Variants in GOLGA1 observed in about 807,000 individuals in gnomAD.
GOLGA1 encodes golgin A1.
GOLGA1 carries 63 observed loss-of-function variants against 119.7 expected under a neutral mutation model. The observed-to-expected ratio is 0.53, with a 90% CI of 0.43 to 0.65. The LOEUF is 0.65. Among genes scored for constraint, GOLGA1 ranks in the 30% least tolerant of loss-of-function variants. The probability of loss-of-function intolerance (pLI) is 0.00; values close to 1 mark genes in which losing one functional copy is unlikely to be tolerated. For missense variants in GOLGA1, 798 were observed against 912.8 expected (o/e 0.87, Z 1.62); for synonymous variants, 318 against 333.4 (o/e 0.95, Z 0.50).
In GOLGA1 at chr9:124,908,537, A is replaced by G. The variant is rs180780579; in HGVS notation, c.970-65T>C. On this transcript the variant is annotated intron_variant, in intron 11 of 22. Transcript: ENST00000373555. ...TCAGTTGAATAAATATTTACAGATT[A>G]TCTACAACATATTGTGACTTGTGCT... The G allele has an allele frequency of 7.8e-4, 679 of 868,132 alleles. 2 individuals are homozygous for G. Among genetic ancestry groups the G allele is most frequent in the Non-Finnish European group, 8.4e-5 (42 of 499,698 alleles). 53.8% of individuals were successfully genotyped at this position (868,132 alleles called of 1,614,324 possible). A position where few individuals can be genotyped will look rare whatever the true frequency, so the allele number is the denominator to read the frequency against.
At chr9:124,920,739 G>A (rs1247471910) in intron 10 of GOLGA1, among the ~76,000 whole-genome samples, 1 of 151,484 alleles carries the variant, frequency 6.6e-6, no homozygotes, top group Non-Finnish European at 1.5e-5. Context: ...TTTGAGACCA[G>A]CCTGGCCAAC....
chr9:124,915,929 C>T (rs1185759845), intron 10 of GOLGA1, among the ~76,000 whole-genome samples: 4 of 151,956 alleles, frequency 2.6e-5, no homozygotes, highest in African/African-American at 9.7e-5. Flanking sequence ...TGGTGAAACC[C>T]TGTCTCTTCT....
chr9:124,938,467 T>C, intron 3 of GOLGA1, 110 bp downstream of exon 3: 2 of 893,888 alleles, frequency 2.2e-6, no homozygotes, highest in South Asian at 3.0e-5. Context: ...ATGTACAGGC[T>C]CTTGTACAGC....
intron 22 of GOLGA1, 107 bp from the exon 23 acceptor site, chr9:124,880,717 C>A (rs979644421): frequency 2.8e-6 from 2 of 723,610 alleles, no homozygotes; most frequent in Admixed American, 3.8e-5. Flanking sequence ...GCCCCCCACA[C>A]ATCCTGCCTC....
Position 124,900,445 on chromosome 9 carries a change from C to A in GOLGA1, c.1161+7G>T. 1 of 1,380,230 alleles carries A rather than the reference C, an allele frequency of 7.2e-7. No homozygotes were observed. The allele number at this position is 1,380,230 out of a possible 1,614,324, so 85.5% of individuals were successfully genotyped here. On this transcript the variant is annotated splice_region_variant and intron_variant, in intron 13 of 22. Coordinates refer to ENST00000373555, the MANE Select transcript of GOLGA1 (RefSeq NM_002077.4). ...CCTGGAATGCAGCAGCTCCAATAAG[C>A]ACTTACGAGCTCCTGTATCTGAGTT...
At chr9:124,901,281 T>G (rs1830100285) in intron 12 of GOLGA1, among the ~76,000 whole-genome samples, 1 of 149,438 alleles carries the variant, frequency 6.7e-6, no homozygotes, top group Admixed American at 6.7e-5. Context: ...TATTTTTTTT[T>G]TTTTTTTTGA....
chr9:124,941,801 A>G (rs542500111), upstream of GOLGA1, among the ~76,000 whole-genome samples: 2 of 152,288 alleles, frequency 1.3e-5, no homozygotes, highest in East Asian at 3.9e-4. Context: ...GAAAACATCA[A>G]AAGTGCACGG....
rs986676479 is a variant in GOLGA1 at position 124,878,302 on chromosome 9, A to G, written c.*2228T>C. 3.9e-5 allele frequency: 6 copies of G among 152,278 alleles called. No homozygotes were observed. Among genetic ancestry groups the G allele is most frequent in the African/African-American group, 1.4e-4 (6 of 41,460 alleles). The allele number at this position is 152,278 out of a possible 1,614,324, so 9.4% of individuals were successfully genotyped here. ...GGCCTTGGAGTGTTAAATATGAGAC[A>G]CAAAATACCAGATTTAATGAGTCAA... On this transcript the variant is annotated 3_prime_UTR_variant, in exon 23 of 23. Coordinates refer to ENST00000373555, the MANE Select transcript of GOLGA1 (RefSeq NM_002077.4).
chr9:124,910,214 C>G lies in GOLGA1; in HGVS notation c.969+1687G>C, dbSNP rs62583408. 1.5e-3 allele frequency among the ~76,000 whole-genome samples: 228 copies of G among 152,202 alleles called. 1 individual carries two copies. Among genetic ancestry groups the G allele is most frequent in the Non-Finnish European group, 2.5e-3 (169 of 68,002 alleles). ...AAAGTGCTGGGATTATAGGTGTGAG[C>G]CACCGCGCCTGGCCTAATTTTTGTA... On this transcript the variant is annotated intron_variant, in intron 11 of 22. Transcript: ENST00000373555.
Position 124,881,525 on chromosome 9 carries a change from C to A in GOLGA1, c.2136+259G>T, listed in dbSNP as rs529053790. 6.6e-6 allele frequency among the ~76,000 whole-genome samples: 1 copy of A among 152,210 alleles called. No individual in the cohort carries two copies. On this transcript the variant is annotated intron_variant, in intron 21 of 22. Coordinates refer to ENST00000373555, the MANE Select transcript of GOLGA1 (RefSeq NM_002077.4). The surrounding 1 kb of genome is among the most constrained non-coding windows in gnomAD (Gnocchi z 4.9). ...ATGGGTGGATTCCGTTCCCGGCTTC[C>A]GGCCTCTGGCCTCAGCACCCAGGCC...
intron 2 of GOLGA1, among the ~76,000 whole-genome samples, chr9:124,939,242 C>A (rs923110698): frequency 6.6e-6 from 1 of 152,008 alleles, no homozygotes; most frequent in African/African-American, 2.4e-5. Context: ...TTAATGATTT[C>A]AAATCCTTCC....
At chr9:124,895,055 T>C (rs931692552) in intron 15 of GOLGA1, among the ~76,000 whole-genome samples, 3 of 132,800 alleles carry the variant, frequency 2.3e-5, no homozygotes, top group Non-Finnish European at 3.1e-5. Flanking sequence ...CAAAGAACCA[T>C]CCACAACAGA....
intron 15 of GOLGA1, among the ~76,000 whole-genome samples, chr9:124,892,202 G>A (rs762008687): frequency 2.6e-5 from 4 of 152,144 alleles, no homozygotes; most frequent in Admixed American, 2.0e-4. Flanking sequence ...TGATCCATCC[G>A]CTTTGGCCTC....
At chr9:124,925,426 T>TAA (rs1830655375) in intron 7 of GOLGA1, among the ~76,000 whole-genome samples, 1 of 151,646 alleles carries the variant, frequency 6.6e-6, no homozygotes, top group African/African-American at 2.4e-5. Flanking sequence ...TTTCCTTATA[T>TAA]AAAACTGTTG....
rs371948195 is a variant in GOLGA1, at chr9:124,923,213, A to G, written c.443T>C (p.Ile148Thr). The G allele has an allele frequency of 4.3e-5, 69 of 1,594,770 alleles. No individual in the cohort carries two copies. Among genetic ancestry groups the G allele is most frequent in the African/African-American group, 1.1e-4 (8 of 74,478 alleles). Reference protein sequence around the residue: ...KMDQLEKEKNILTAQLQEMKN... With the variant: ...KMDQLEKEKNTLTAQLQEMKN... ...CATTTCCTGTAACTGGGCTGTCAGA[A>G]TATTTTTCTCCTATTTGAAAGAAGA... is the stretch of plus-strand genomic sequence containing the variant. Residue 148 changes from isoleucine to threonine, a missense_variant, in exon 8 of 23, where the codon ATT becomes ACT. Ile to Thr is a moderately conservative substitution (Grantham distance 89). Transcript: ENST00000373555.
At chr9:124,882,099 C>T in intron 20 of GOLGA1, 145 bp from the exon 21 acceptor site, 1 of 624,906 alleles carries the variant, frequency 1.6e-6, no homozygotes, top group East Asian at 2.8e-5. Context: ...TCCAGGTAGG[C>T]TTGAGGAGGG....
intron 15 of GOLGA1, among the ~76,000 whole-genome samples, chr9:124,894,304 C>G (rs1829917170): frequency 6.6e-6 from 1 of 152,138 alleles, no homozygotes; most frequent in African/African-American, 2.4e-5. Context: ...TCTTTTCTAT[C>G]TGCACTCATT....
chr9:124,914,623 A>G (rs1350024695), intron 10 of GOLGA1, among the ~76,000 whole-genome samples: 1 of 152,276 alleles, frequency 6.6e-6, no homozygotes, highest in Admixed American at 6.5e-5. Flanking sequence ...AGACAGACAT[A>G]TAGGGTCAAG....
rs986503857 is a variant in GOLGA1 at position 124,904,595 on chromosome 9, G to C, written c.1065+3782C>G. ...AAGCTGAGGTGGGCAGATCACTTGA[G>C]GTCAGGAGTTTGAGACCAGCCTGGC... On this transcript the variant is annotated intron_variant, in intron 12 of 22. Transcript: ENST00000373555. 2.6e-5 allele frequency among the ~76,000 whole-genome samples: 4 copies of C among 152,282 alleles called. No homozygotes were observed. The East Asian group carries it at 7.7e-4, about 29-fold the overall frequency.
Sources: allele counts gnomAD v4.1 joint callset (sites outside exome capture counted in the v4.1 genomes callset), GRCh38; gene constraint gnomAD v4.1.1; non-coding constraint Gnocchi (gnomAD v3.1); transcripts MANE v1.5; gene names NCBI Gene and HGNC (gene_info 2026-07-23, HGNC 2026-07-21).